The following EDEM1 variants were observed in gnomAD, a reference collection of about 807,000 sequenced individuals.
EDEM1 encodes ER degradation enhancing alpha-mannosidase like protein 1.
In EDEM1, 67 loss-of-function variants were observed where a neutral mutation model predicts 74.4. The ratio of observed to expected loss-of-function variants is 0.90; its 90% CI spans 0.74 to 1.10. EDEM1 has a LOEUF of 1.10. Ranked by LOEUF, EDEM1 falls within the 50% of genes least tolerant of loss-of-function variation. EDEM1 has a pLI of 0.00. For missense variants in EDEM1, 926 were observed against 851.6 expected (o/e 1.09, Z -1.09); for synonymous variants, 382 against 335.9 (o/e 1.14, Z -1.50).
Position 5,216,739 on chromosome 3 carries a change from C to A in EDEM1, c.*821C>A, listed in dbSNP as rs891623738. ...TATGGTCTAAGAGGTTAACTGACAT[C>A]TTTTGGGTGGTATTTTGCATTTTGA... is the stretch of plus-strand genomic sequence containing the variant. On this transcript the variant is annotated 3_prime_UTR_variant, in exon 12 of 12. Transcript: ENST00000256497. The A allele has an allele frequency of 2.6e-5, 4 of 152,618 alleles. No homozygotes were observed. The highest frequency in any genetic ancestry group is 9.6e-5 in the African/African-American group (4 of 41,456). 9.5% of individuals were successfully genotyped at this position (152,618 alleles called of 1,614,324 possible).
chr3:5,198,256 C>T (rs567168049), intron 2 of EDEM1, among the ~76,000 whole-genome samples: 2 of 152,236 alleles, frequency 1.3e-5, no homozygotes, highest in South Asian at 4.2e-4. Flanking sequence ...GCCATGTTGG[C>T]CAGGCTGGTT....
rs1403284203 is a variant in EDEM1 at position 5,219,687 on chromosome 3, G to C, written c.*3769G>C. 8 of 152,666 alleles carry C rather than the reference G, an allele frequency of 5.2e-5. No homozygotes were observed. The East Asian group carries it at 1.5e-3, about 29-fold the overall frequency. The allele number at this position is 152,666 out of a possible 1,614,324, so 9.5% of individuals were successfully genotyped here. ...ATTTTTATTTATTTTGCATAAGAAA[G>C]GTAAATCTTTTTACAAAAAAAAGTA... On this transcript the variant is annotated 3_prime_UTR_variant, in exon 12 of 12. Transcript: ENST00000256497.
In EDEM1 at chr3:5,213,407, T is replaced by G; in HGVS notation, c.1769T>G (p.Leu590Arg). 6.2e-7 allele frequency: 1 copy of G among 1,614,186 alleles called. No individual in the cohort carries two copies. Among genetic ancestry groups the G allele is most frequent in the Non-Finnish European group, 8.5e-7 (1 of 1,180,024 alleles). ...CACATTGTATCTGTGGATGAGCATCTTCGGGAATTGCCATGGAAGGAATTC... is the reference window on the plus strand; with the variant it reads ...CACATTGTATCTGTGGATGAGCATCGTCGGGAATTGCCATGGAAGGAATTC... The part of the protein sequence containing the change: ...EGHIVSVDEH[L>R]RELPWKEFFS... The change falls in exon 11 of 12, where the codon CTT becomes CGT. Residue 590 changes from leucine to arginine, a missense_variant. Transcript: ENST00000256497.
intron 2 of EDEM1, 47 bp from the exon 3 acceptor site, chr3:5,199,545 A>G: frequency 7.1e-7 from 1 of 1,418,226 alleles, no homozygotes; most frequent in Middle Eastern, 1.8e-4. Context: ...ATACAGCCTC[A>G]GTTTCATTTC....
intron 1 of EDEM1, among the ~76,000 whole-genome samples, chr3:5,194,361 A>G (rs2054937150): frequency 6.6e-6 from 1 of 152,178 alleles, no homozygotes; most frequent in Non-Finnish European, 1.5e-5. Flanking sequence ...GAATTTCTCA[A>G]ACTGTCCTTT....
At chr3:5,193,980 G>C (rs1176776207) in intron 1 of EDEM1, among the ~76,000 whole-genome samples, 1 of 152,242 alleles carries the variant, frequency 6.6e-6, no homozygotes, top group Non-Finnish European at 1.5e-5. Context: ...CAAATAAAAT[G>C]AGACATTGGA....
intron 10 of EDEM1, among the ~76,000 whole-genome samples, chr3:5,211,653 AGT>A (rs34661098): frequency 0.74 from 109,279 of 146,812 alleles, 41,553 homozygotes; most frequent in Admixed American, 0.86. Flanking sequence ...TGAGTGAGTG[AGT>A]GTGTGTGTGT....
chr3:5,197,649 T>A (rs930844786), intron 2 of EDEM1, among the ~76,000 whole-genome samples: 2 of 152,258 alleles, frequency 1.3e-5, no homozygotes, highest in Admixed American at 6.5e-5. Flanking sequence ...TTCAGGCTTA[T>A]TTTTCAGGTG....
rs548273885 is a variant in EDEM1 at position 5,193,001 on chromosome 3, A to G, written c.510-2208A>G. Among the ~76,000 whole-genome samples, 39 of 150,620 alleles carry G rather than the reference A, an allele frequency of 2.6e-4. No homozygotes were observed. In the South Asian group the frequency reaches 7.1e-3, roughly 28 times the overall value. On this transcript the variant is annotated intron_variant, in intron 1 of 11. Coordinates refer to ENST00000256497, the MANE Select transcript of EDEM1 (RefSeq NM_014674.3). ...TAAAAAATATTTTAAAACTGGGTCT[A>G]TTTTAGTTATAGATTACAAGGCAAA...
chr3:5,215,744 G>T, intron 11 of EDEM1, 85 bp from the exon 12 acceptor site: 2 of 1,286,926 alleles, frequency 1.6e-6, no homozygotes. Context: ...CACAGGCTGA[G>T]AAACCCTGGA....
At chr3:5,214,906 T>C (rs2055213223) in intron 11 of EDEM1, among the ~76,000 whole-genome samples, 1 of 152,190 alleles carries the variant, frequency 6.6e-6, no homozygotes, top group African/African-American at 2.4e-5. Context: ...TAGGCGTTTG[T>C]CTGTAGTGCT....
intron 11 of EDEM1, among the ~76,000 whole-genome samples, chr3:5,214,181 G>C (rs2055202546): frequency 6.6e-6 from 1 of 152,206 alleles, no homozygotes; most frequent in African/African-American, 2.4e-5. Flanking sequence ...CATCCCTAGT[G>C]AAAGTATCAG....
intron 1 of EDEM1, chr3:5,189,328 A>G (rs2054871648): frequency 6.6e-6 from 1 of 152,132 alleles, no homozygotes; most frequent in African/African-American, 2.4e-5. Context: ...AGGTTCTGAT[A>G]AGGAAGCCTA....
rs1269034587 is a variant in EDEM1, at chr3:5,217,577, A to G, written c.*1659A>G. On this transcript the variant is annotated 3_prime_UTR_variant, in exon 12 of 12. Transcript: ENST00000256497. Reference sequence around the variant, plus strand: ...GTTCAGTTCTTTGAGATTTTTGAAAAGAGTATTTTCAGTAATAAACGTGCC... The same window carrying G: ...GTTCAGTTCTTTGAGATTTTTGAAAGGAGTATTTTCAGTAATAAACGTGCC... 1 of 152,628 alleles carries G rather than the reference A, an allele frequency of 6.6e-6. No individual in the cohort carries two copies. Among genetic ancestry groups the G allele is most frequent in the Non-Finnish European group, 1.5e-5 (1 of 68,050 alleles). 9.5% of individuals were successfully genotyped at this position (152,628 alleles called of 1,614,324 possible). A position where few individuals can be genotyped will look rare whatever the true frequency, so the allele number is the denominator to read the frequency against.
chr3:5,195,551 T>C (rs1228629901), intron 2 of EDEM1, among the ~76,000 whole-genome samples: 1 of 152,210 alleles, frequency 6.6e-6, no homozygotes, highest in Non-Finnish European at 1.5e-5. Context: ...AGTTTCTATC[T>C]TATTCCCTAA....
At chr3:5,209,895 T>TAATCATG (rs1371790499) in intron 8 of EDEM1, among the ~76,000 whole-genome samples, 1 of 152,240 alleles carries the variant, frequency 6.6e-6, no homozygotes, top group Admixed American at 6.5e-5. Context: ...GTTTTGTTTC[T>TAATCATG]AATCATGATG....
At chr3:5,208,000 G>A (rs139257563) in intron 7 of EDEM1, 93 bp from the exon 8 acceptor site, 10 of 1,421,456 alleles carry the variant, frequency 7.0e-6, no homozygotes, top group African/African-American at 4.3e-5. Flanking sequence ...CTAAGAACTC[G>A]GGGGCAGAGG....
In EDEM1 at chr3:5,188,147, C is replaced by T; in HGVS notation, c.342C>T (p.Tyr114=). ...LGGRGRGPDE[Y]EKRYSGAFPP... The stretch of plus-strand genomic sequence containing the variant: ...GCCGGGGCCGCGGCCCGGACGAGTA[C>T]GAGAAGCGCTACAGCGGCGCCTTCC... The change falls in exon 1 of 12, where the codon TAC becomes TAT. Residue 114 remains tyrosine, a synonymous_variant. Coordinates refer to ENST00000256497, the MANE Select transcript of EDEM1 (RefSeq NM_014674.3). 16 of 1,537,632 alleles carry T rather than the reference C, an allele frequency of 1.0e-5. No individual in the cohort carries two copies. The highest frequency in any genetic ancestry group is 1.3e-5 in the Non-Finnish European group (15 of 1,142,384).
intron 10 of EDEM1, among the ~76,000 whole-genome samples, chr3:5,212,279 A>G (rs974389718): frequency 2.0e-5 from 3 of 152,192 alleles, no homozygotes; most frequent in Non-Finnish European, 4.4e-5. Context: ...CTGCAGAGGT[A>G]TGTCCACCAG....
Sources: allele counts gnomAD v4.1 joint callset (sites outside exome capture counted in the v4.1 genomes callset), GRCh38; gene constraint gnomAD v4.1.1; transcripts MANE v1.5; gene names NCBI Gene and HGNC (gene_info 2026-07-23, HGNC 2026-07-21).